ARNT2: variants seen among roughly 807,000 people sequenced by gnomAD.
ARNT2 encodes the protein aryl hydrocarbon receptor nuclear translocator 2, also known as ARNT protein 2.
In ARNT2, 36 loss-of-function variants were observed where a neutral mutation model predicts 91.7. That is an observed-to-expected ratio of 0.39 (90% confidence interval 0.30 to 0.52). The LOEUF (loss-of-function observed/expected upper bound fraction) is 0.52, where lower values mean the gene tolerates loss of function less well. Ranked by LOEUF, ARNT2 falls within the 20% of genes least tolerant of loss-of-function variation. The probability of loss-of-function intolerance (pLI) is 0.72; values close to 1 mark genes in which losing one functional copy is unlikely to be tolerated. For missense variants in ARNT2, 775 were observed against 939.3 expected, an observed-to-expected ratio of 0.83 and a Z score of 2.29; for synonymous variants, 365 against 347.1, an observed-to-expected ratio of 1.05 and a Z score of -0.57.
At chr15:80,468,197 T>C (rs1454072415) in intron 3 of ARNT2, among the ~76,000 whole-genome samples, 1 of 152,092 alleles carries the variant, frequency 6.6e-6, no homozygotes, top group African/African-American at 2.4e-5. Flanking sequence ...GTGGGTTGGC[T>C]GCAGAGTTAT....
intron 1 of ARNT2, among the ~76,000 whole-genome samples, chr15:80,405,133 C>T (rs1346112305): frequency 6.6e-6 from 1 of 152,214 alleles, no homozygotes; most frequent in African/African-American, 2.4e-5. Context: ...CCTGGTCCTG[C>T]CCAGGTGACA....
intron 10 of ARNT2, 61 bp from the exon 11 acceptor site, chr15:80,555,004 G>A: frequency 3.4e-6 from 5 of 1,484,200 alleles, no homozygotes; most frequent in Non-Finnish European, 4.7e-6. Context: ...TTGTATCACA[G>A]TGAGTATACA....
intron 17 of ARNT2, among the ~76,000 whole-genome samples, chr15:80,585,155 TTACTGC>T (rs1596026237): frequency 6.6e-6 from 1 of 152,240 alleles, no homozygotes; most frequent in Admixed American, 6.5e-5. Flanking sequence ...ATCTTGAGCT[TTACTGC>T]TGTCATAATT....
At chr15:80,412,520 A>G (rs1465724268) in intron 1 of ARNT2, among the ~76,000 whole-genome samples, 1 of 152,182 alleles carries the variant, frequency 6.6e-6, no homozygotes, top group Non-Finnish European at 1.5e-5. Flanking sequence ...ATATATATAT[A>G]TAACAAAATA....
chr15:80,578,183 C>T (rs930203471), intron 15 of ARNT2, among the ~76,000 whole-genome samples: 1 of 152,144 alleles, frequency 6.6e-6, no homozygotes, highest in Non-Finnish European at 1.5e-5. Context: ...TCAGGGAGAG[C>T]ACAGCAGCAG....
At chr15:80,487,827 G>A (rs1032811303) in intron 5 of ARNT2, 4 of 152,226 alleles carry the variant, frequency 2.6e-5, no homozygotes, top group Admixed American at 2.6e-4. Context: ...GACCGGAAGA[G>A]GAGGCTTGCC....
intron 15 of ARNT2, among the ~76,000 whole-genome samples, chr15:80,578,873 G>A (rs1165837242): frequency 1.3e-5 from 2 of 152,238 alleles, no homozygotes; most frequent in African/African-American, 2.4e-5. Context: ...AAGGATCTGA[G>A]CTGGCTTGGG....
chr15:80,416,982 T>TA (rs1895794536), intron 1 of ARNT2, among the ~76,000 whole-genome samples: 1 of 152,194 alleles, frequency 6.6e-6, no homozygotes, highest in African/African-American at 2.4e-5. Context: ...TTTACATGCT[T>TA]CCTGTTGAGT....
intron 5 of ARNT2, among the ~76,000 whole-genome samples, chr15:80,504,051 A>G (rs1410294984): frequency 6.6e-6 from 1 of 152,208 alleles, no homozygotes; most frequent in Non-Finnish European, 1.5e-5. Context: ...TGCAGCGAGG[A>G]AGGTGACCAT....
chr15:80,546,469 A>G (rs547193441), intron 8 of ARNT2, among the ~76,000 whole-genome samples: 16 of 152,234 alleles, frequency 1.1e-4, no homozygotes, highest in Non-Finnish European at 2.4e-4. Flanking sequence ...GAGAGAATGT[A>G]AATGATGTAT....
At chr15:80,577,979 C>CCGCAGGTCA (rs1898712063) in intron 15 of ARNT2, among the ~76,000 whole-genome samples, 1 of 152,218 alleles carries the variant, frequency 6.6e-6, no homozygotes, top group African/African-American at 2.4e-5. Context: ...ACCATCATCA[C>CCGCAGGTCA]CGCAGGTCAC....
chr15:80,526,323 A>G (rs74027824), intron 8 of ARNT2, among the ~76,000 whole-genome samples: 2,656 of 152,282 alleles, frequency 0.017, 81 homozygotes, highest in African/African-American at 0.061. Flanking sequence ...TGCGTTTTCC[A>G]TTTTGTGGGG....
At chr15:80,546,187 A>G (rs1897987700) in intron 8 of ARNT2, among the ~76,000 whole-genome samples, 1 of 152,220 alleles carries the variant, frequency 6.6e-6, no homozygotes, top group Admixed American at 6.5e-5. Context: ...TAGAGTTAGT[A>G]CAATGATTCT....
chr15:80,500,014 C>T (rs1897169776), intron 5 of ARNT2, among the ~76,000 whole-genome samples: 1 of 152,166 alleles, frequency 6.6e-6, no homozygotes, highest in Admixed American at 6.5e-5. Flanking sequence ...GTGCCCTCAG[C>T]CACTTATAAA....
At chr15:80,528,746 C>T (rs1379598766) in intron 8 of ARNT2, among the ~76,000 whole-genome samples, 2 of 152,172 alleles carry the variant, frequency 1.3e-5, no homozygotes. Flanking sequence ...GGTGGCTCCC[C>T]TTCACCTTCC....
chr15:80,571,514 T>C (rs1025924441), intron 12 of ARNT2, among the ~76,000 whole-genome samples: 6 of 152,172 alleles, frequency 3.9e-5, no homozygotes, highest in Non-Finnish European at 8.8e-5. Context: ...GGGAGGAAGA[T>C]TGAAGTTAAC....
At chr15:80,561,642 G>A (rs1898354676) in intron 11 of ARNT2, among the ~76,000 whole-genome samples, 1 of 152,106 alleles carries the variant, frequency 6.6e-6, no homozygotes, top group African/African-American at 2.4e-5. Context: ...TTTAAATTGT[G>A]TGCTGTTCAG....
chr15:80,413,845 C>G (rs1186499101), intron 1 of ARNT2, among the ~76,000 whole-genome samples: 1 of 152,222 alleles, frequency 6.6e-6, no homozygotes, highest in East Asian at 1.9e-4. Context: ...GGAGGGTGGC[C>G]TTCCATATAC....
chr15:80,441,287 G>T (rs1877179824), intron 1 of ARNT2: 6 of 985,114 alleles, frequency 6.1e-6, no homozygotes, highest in Non-Finnish European at 6.0e-6. Flanking sequence ...CCTCCCAGAG[G>T]TTTCTGACAT....
Sources: gnomAD v4.1 joint callset for allele counts (sites outside exome capture counted in the v4.1 genomes callset) on GRCh38, gnomAD v4.1.1 for gene constraint, MANE v1.5 for transcripts, NCBI Gene and HGNC (gene_info 2026-07-23, HGNC 2026-07-21) for gene names.